The following CADPS variants were observed in gnomAD, a reference collection of about 807,000 sequenced individuals.
CADPS encodes the protein calcium-dependent secretion activator 1.
In CADPS, 57 loss-of-function variants were observed where a neutral mutation model predicts 167.3. The observed-to-expected ratio is 0.34, with a 90% CI of 0.28 to 0.42. The LOEUF is 0.42. Among genes scored for constraint, CADPS ranks in the 20% least tolerant of loss-of-function variants. CADPS has a pLI of 1.00. For missense variants in CADPS, 1,414 were observed against 1,738.1 expected (o/e 0.81, Z 3.32); for synonymous variants, 676 against 635.3 (o/e 1.06, Z -0.96).
At chr3:62,547,940 G>A (rs746333826) in intron 11 of CADPS, among the ~76,000 whole-genome samples, 1 of 152,056 alleles carries the variant, frequency 6.6e-6, no homozygotes, top group Non-Finnish European at 1.5e-5. Context: ...AAACCATGTA[G>A]CAGTTTCTTA....
At chr3:62,708,157 C>A (rs1202349370) in intron 3 of CADPS, among the ~76,000 whole-genome samples, 2 of 151,844 alleles carry the variant, frequency 1.3e-5, no homozygotes, top group African/African-American at 4.8e-5. Flanking sequence ...CTCCTGAGCT[C>A]AAGTGATCTG....
At chr3:62,618,639 T>C (rs894844283) in intron 6 of CADPS, among the ~76,000 whole-genome samples, 1 of 152,204 alleles carries the variant, frequency 6.6e-6, no homozygotes, top group Non-Finnish European at 1.5e-5. Context: ...CATGCTTTCC[T>C]TCCTTTCAGA....
At chr3:62,677,323 A>G (rs1580240427) in intron 3 of CADPS, among the ~76,000 whole-genome samples, 1 of 152,110 alleles carries the variant, frequency 6.6e-6, no homozygotes, top group Non-Finnish European at 1.5e-5. Context: ...AAAACCAAAA[A>G]ACCAGAAAAA....
At chr3:62,410,481 C>T (rs1481860029) in intron 28 of CADPS, among the ~76,000 whole-genome samples, 1 of 152,194 alleles carries the variant, frequency 6.6e-6, no homozygotes, top group Non-Finnish European at 1.5e-5. Flanking sequence ...AGTGGTCTAG[C>T]AGCTAGCAAG....
At position 62,874,438 on chromosome 3, in the gene CADPS, C is replaced by A. The variant is rs954975991; in HGVS notation, c.441+151G>T. On this transcript the variant is annotated intron_variant, in intron 1 of 29. Transcript: ENST00000383710. The surrounding 1 kb of genome is among the most constrained non-coding windows in gnomAD (Gnocchi z 7.1). Reference sequence around the variant, plus strand: ...TGGGCTGGGCCTGGGCGAGCCCGGCCGCTGGGAGGGGGCCTCGTAGCCCTT... The same window carrying A: ...TGGGCTGGGCCTGGGCGAGCCCGGCAGCTGGGAGGGGGCCTCGTAGCCCTT... 1.1e-5 allele frequency: 7 copies of A among 626,240 alleles called. No homozygotes were observed. The highest frequency in any genetic ancestry group is 1.9e-5 in the Non-Finnish European group (7 of 368,662). The allele number at this position is 626,240 out of a possible 1,614,324, so 38.8% of individuals were successfully genotyped here.
intron 1 of CADPS, among the ~76,000 whole-genome samples, chr3:62,825,671 G>A (rs761295396): frequency 3.9e-5 from 6 of 152,114 alleles, no homozygotes; most frequent in Non-Finnish European, 8.8e-5. Context: ...CAATTGTTCC[G>A]GCTTCTAGCC....
rs549990519 is a variant in CADPS at position 62,733,776 on chromosome 3, C to T, written c.888+19665G>A. On this transcript the variant is annotated intron_variant, in intron 3 of 29. Coordinates refer to ENST00000383710, the MANE Select transcript of CADPS (RefSeq NM_003716.4). ...TCCTTTAGTGGTGATTTCTGAGATG[C>T]TGGTGCTCCTGTCACCCGAGCAGTA... is the stretch of plus-strand genomic sequence containing the variant. Among the ~76,000 whole-genome samples, 220 of 148,674 alleles carry T rather than the reference C, an allele frequency of 1.5e-3. 1 individual carries two copies. The highest frequency in any genetic ancestry group is 5.3e-3 in the African/African-American group (210 of 39,616).
chr3:62,713,005 A>C (rs1327358519), intron 3 of CADPS, among the ~76,000 whole-genome samples: 2 of 152,212 alleles, frequency 1.3e-5, no homozygotes, highest in African/African-American at 4.8e-5. Context: ...GGACTTTCTC[A>C]TGGTGAAGGA....
rs181462313 is a variant in CADPS, at chr3:62,801,046, T to C, written c.442-35062A>G. Among the ~76,000 whole-genome samples, 954 of 152,266 alleles carry C rather than the reference T, an allele frequency of 6.3e-3. 7 individuals carry two copies. The highest frequency in any genetic ancestry group is 0.011 in the Non-Finnish European group (721 of 68,020). ...ATGGATCTTGATTTAAGTCCTGGTT[T>C]CCCCACTTGCTAGTGTGGTGACTAA... is the stretch of plus-strand genomic sequence containing the variant. On this transcript the variant is annotated intron_variant, in intron 1 of 29. Transcript: ENST00000383710.
intron 3 of CADPS, among the ~76,000 whole-genome samples, chr3:62,747,934 A>T (rs1401070106): frequency 6.6e-6 from 1 of 152,134 alleles, no homozygotes; most frequent in African/African-American, 2.4e-5. Context: ...GAATGGAAAC[A>T]TCGAGATACA....
At chr3:62,566,818 G>A (rs1316290757) in intron 9 of CADPS, among the ~76,000 whole-genome samples, 7 of 151,970 alleles carry the variant, frequency 4.6e-5, no homozygotes, top group Non-Finnish European at 8.8e-5. Context: ...GATTTTTTTG[G>A]GGGGATGGAT....
At chr3:62,730,258 T>C (rs2077518370) in intron 3 of CADPS, among the ~76,000 whole-genome samples, 2 of 152,050 alleles carry the variant, frequency 1.3e-5, no homozygotes, top group Non-Finnish European at 2.9e-5. Flanking sequence ...CCCTCCCACA[T>C]CTCCTGGGGA....
chr3:62,840,582 T>C (rs1290165983), intron 1 of CADPS, among the ~76,000 whole-genome samples: 1 of 152,122 alleles, frequency 6.6e-6, no homozygotes, highest in East Asian at 1.9e-4. Context: ...TATGTATATA[T>C]AAAAAAGTGT....
intron 3 of CADPS, among the ~76,000 whole-genome samples, chr3:62,723,036 G>A (rs1233717920): frequency 6.6e-6 from 1 of 152,198 alleles, no homozygotes; most frequent in Non-Finnish European, 1.5e-5. Flanking sequence ...ATTAGTTGAG[G>A]ACTTAATATA....
At chr3:62,452,645 G>T (rs1242734871) in intron 26 of CADPS, among the ~76,000 whole-genome samples, 1 of 152,172 alleles carries the variant, frequency 6.6e-6, no homozygotes, top group Non-Finnish European at 1.5e-5. Context: ...GGTGAAACAG[G>T]AAATAAAGGT....
At chr3:62,538,252 T>C (rs919262035) in intron 11 of CADPS, among the ~76,000 whole-genome samples, 2 of 152,022 alleles carry the variant, frequency 1.3e-5, no homozygotes, top group South Asian at 4.2e-4. Flanking sequence ...TTCTTTGACT[T>C]AGGATGGCCA....
chr3:62,571,532 C>T (rs2081282712), intron 8 of CADPS, among the ~76,000 whole-genome samples: 2 of 151,268 alleles, frequency 1.3e-5, no homozygotes, highest in South Asian at 4.2e-4. Flanking sequence ...AGAGGCAGAG[C>T]TCAAAGCCGT....
At chr3:62,836,529 T>C (rs1360062088) in intron 1 of CADPS, among the ~76,000 whole-genome samples, 1 of 152,100 alleles carries the variant, frequency 6.6e-6, no homozygotes, top group Non-Finnish European at 1.5e-5. Context: ...GAGATGGAAA[T>C]TTTCAAGGTT....
chr3:62,610,772 C>G (rs531267446), intron 6 of CADPS, among the ~76,000 whole-genome samples: 1 of 152,036 alleles, frequency 6.6e-6, no homozygotes, highest in African/African-American at 2.4e-5. Flanking sequence ...ACTAGCCAGG[C>G]CTCCTCAGTC....
Sources: allele counts gnomAD v4.1 joint callset (sites outside exome capture counted in the v4.1 genomes callset), GRCh38; gene constraint gnomAD v4.1.1; non-coding constraint Gnocchi (gnomAD v3.1); transcripts MANE v1.5; gene names NCBI Gene and HGNC (gene_info 2026-07-23, HGNC 2026-07-21).